The following KCNK16 variants were observed in gnomAD, a reference collection of about 807,000 sequenced individuals.
The protein encoded by KCNK16 is potassium channel subfamily K member 16.
KCNK16 carries 23 observed loss-of-function variants against 23.0 expected under a neutral mutation model. That is an observed-to-expected ratio of 1.00 (90% CI 0.72 to 1.41). KCNK16 has a LOEUF of 1.41. KCNK16 is among the 40% of genes most tolerant of loss of function. The pLI is 0.00. For missense variants in KCNK16, 327 were observed against 365.8 expected (o/e 0.89, Z 0.87); for synonymous variants, 145 against 153.5 (o/e 0.94, Z 0.41).
downstream of KCNK16, chr6:39,316,092 T>G: frequency 1.5e-6 from 2 of 1,353,344 alleles, no homozygotes; most frequent in South Asian, 1.6e-5. Context: ...TTGGGAGAGC[T>G]CCTGAGACCA....
Position 39,322,486 on chromosome 6 carries a change from GCAGCAGGGGCAGCACCCGGCCACCC to G in KCNK16, c.30_54del (p.Trp10CysfsTer18). The stretch of plus-strand genomic sequence containing the variant: ...AGCAGCAGGTAGCAGACATAGGCCA[GCAGCAGGGGCAGCACCCGGCCACCC>G]CAGCAGCTGCAGAGCCCAGCACTGG... On this transcript the variant is annotated frameshift_variant, in exon 1 of 5. Coordinates refer to ENST00000437525, the MANE Select transcript of KCNK16 (RefSeq NM_001135106.2). LOFTEE classifies it high-confidence loss of function. 6.2e-7 allele frequency: 1 copy of G among 1,612,926 alleles called. No homozygotes were observed. Among genetic ancestry groups the G allele is most frequent in the East Asian group, 2.2e-5 (1 of 44,878 alleles).
chr6:39,316,145 GGC>G, downstream of KCNK16: 1 of 1,439,402 alleles, frequency 6.9e-7, no homozygotes, highest in Non-Finnish European at 9.1e-7. Context: ...GAGAAAGCAG[GGC>G]TGGAAATCCA....
rs770464810 is a variant in KCNK16 at position 39,316,795 on chromosome 6, C to T, written c.648G>A (p.Gly216=). The T allele has an allele frequency of 4.3e-6, 7 of 1,613,820 alleles. No homozygotes were observed. In the East Asian group the frequency reaches 6.7e-5, roughly 15 times the overall value. The stretch of plus-strand genomic sequence containing the variant: ...TTTTGTTCTCACCAACAACATAGTC[C>T]CCAAAGCCAATGGTGCTGAGAGTGA... ...AFITLSTIGF[G]DYVVGTDPSK... The change falls in exon 4 of 5, where the codon GGG becomes GGA. Residue 216 remains glycine (G), a synonymous_variant. Transcript: ENST00000437525.
chr6:39,316,229 A>T lies in KCNK16; in HGVS notation c.875T>A (p.Ile292Asn). ...SGLPRPQKIP[I>N]SA ...CCCCCCCCGGGGGCCTCATGCAGAGATGGGGATCTTCTGAGGCCTGGGGAG... is the reference window on the plus strand; with the variant it reads ...CCCCCCCCGGGGGCCTCATGCAGAGTTGGGGATCTTCTGAGGCCTGGGGAG... The change falls in exon 5 of 5, where the codon ATC becomes AAC. Residue 292 changes from isoleucine to asparagine, a missense_variant. Ile to Asn is a moderately radical substitution (Grantham distance 149). Transcript: ENST00000437525. The T allele has an allele frequency of 1.3e-6, 2 of 1,545,916 alleles. No individual in the cohort carries two copies. The highest frequency in any genetic ancestry group is 1.4e-5 in the African/African-American group (1 of 72,820).
downstream of KCNK16, chr6:39,316,112 G>T: frequency 7.1e-7 from 1 of 1,409,766 alleles, no homozygotes; most frequent in Middle Eastern, 2.6e-4. Context: ...AGCCCTGGCT[G>T]AGAAGTGAGG....
At chr6:39,320,234 G>A (rs76991883) in intron 1 of KCNK16, among the ~76,000 whole-genome samples, 3,134 of 152,310 alleles carry the variant, frequency 0.021, 114 homozygotes, top group African/African-American at 0.071. Flanking sequence ...TCACTTTGAC[G>A]GGAACTGGCC....
In KCNK16 at chr6:39,316,318, G is replaced by T. The variant is rs1408504953; in HGVS notation, c.786C>A (p.Cys262Ter). 1 of 1,609,622 alleles carries T rather than the reference G, an allele frequency of 6.2e-7. No individual in the cohort carries two copies. Among genetic ancestry groups the T allele is most frequent in the Admixed American group, 1.7e-5 (1 of 59,438 alleles). ...PLGPLLLHRC[C>*]QLWLLSRGLG... ...GGCCCCTACTGAGCAGCCAGAGCTGGCAGCATCTGTGCAGAAGCAGGGGGC... is the reference window on the plus strand; with the variant it reads ...GGCCCCTACTGAGCAGCCAGAGCTGTCAGCATCTGTGCAGAAGCAGGGGGC... Residue 262 changes from cysteine to a stop codon, truncating the protein, a stop_gained, in exon 5 of 5, where the codon TGC (cysteine) becomes TGA (stop). Transcript: ENST00000437525. LOFTEE classifies it low-confidence loss of function (END_TRUNC).
At chr6:39,322,221 A>T (rs1762538106) in intron 1 of KCNK16, 107 bp downstream of exon 1, 2 of 1,483,774 alleles carry the variant, frequency 1.3e-6, no homozygotes, top group Admixed American at 4.4e-5. Flanking sequence ...CTCTTCTTCC[A>T]AATGGGGCAT....
Position 39,316,190 on chromosome 6 carries a change from A to G in KCNK16, c.*29T>C. On this transcript the variant is annotated 3_prime_UTR_variant, in exon 5 of 5. Coordinates refer to ENST00000437525, the MANE Select transcript of KCNK16 (RefSeq NM_001135106.2). ...GATAGGGTGGGACTGGGGAGGATGA[A>G]AGGGGTTTCTGGGCCCCCCCCGGGG... 6.7e-7 allele frequency: 1 copy of G among 1,495,168 alleles called. No individual in the cohort carries two copies. The highest frequency in any genetic ancestry group is 2.5e-5 in the East Asian group (1 of 40,404). The allele number at this position is 1,495,168 out of a possible 1,614,324, so 92.6% of individuals were successfully genotyped here.
At chr6:39,315,743 T>C (rs1762285553), downstream of KCNK16, among the ~76,000 whole-genome samples, 1 of 152,176 alleles carries the variant, frequency 6.6e-6, no homozygotes, top group South Asian at 2.1e-4. Flanking sequence ...GCCTCTTTGC[T>C]TGCCTAGCAA....
At chr6:39,315,323 T>A (rs761381308), downstream of KCNK16, 31 of 1,553,136 alleles carry the variant, frequency 2.0e-5, no homozygotes, top group Non-Finnish European at 2.0e-5. Flanking sequence ...GGAGCTCACT[T>A]TCTGGAAGGA....
chr6:39,317,479 C>A (rs1453706861), intron 3 of KCNK16, among the ~76,000 whole-genome samples: 2 of 152,188 alleles, frequency 1.3e-5, no homozygotes, highest in Non-Finnish European at 2.9e-5. Flanking sequence ...TAGGGGCATA[C>A]CCTTCCTGGG....
chr6:39,317,137 G>A (rs940324477), intron 3 of KCNK16, among the ~76,000 whole-genome samples, 190 bp from the exon 4 acceptor site: 2 of 152,190 alleles, frequency 1.3e-5, no homozygotes, highest in African/African-American at 4.8e-5. Flanking sequence ...GAAAGATTTC[G>A]GCAGAGGGAT....
chr6:39,314,788 A>T, downstream of KCNK16: 1 of 545,842 alleles, frequency 1.8e-6, no homozygotes, highest in East Asian at 3.0e-5. Context: ...GCTGTCTGTC[A>T]ATCTCAAGAC....
chr6:39,318,516 C>T (rs1762405929), intron 2 of KCNK16, among the ~76,000 whole-genome samples: 1 of 152,162 alleles, frequency 6.6e-6, no homozygotes, highest in Non-Finnish European at 1.5e-5. Context: ...TGTCAGTGCC[C>T]TGTTCCCTCA....
intron 1 of KCNK16, among the ~76,000 whole-genome samples, 177 bp downstream of exon 1, chr6:39,322,151 T>G (rs538061091): frequency 6.6e-6 from 1 of 152,296 alleles, no homozygotes; most frequent in East Asian, 1.9e-4. Flanking sequence ...ATCAATCCAG[T>G]TGTAGACCTG....
In KCNK16 at chr6:39,317,009, G is replaced by T. The variant is rs1482616896; in HGVS notation, c.496-62C>A. 3 of 1,508,124 alleles carry T rather than the reference G, an allele frequency of 2.0e-6. No individual in the cohort carries two copies. The South Asian group carries it at 3.7e-5, about 19-fold the overall frequency. The allele number at this position is 1,508,124 out of a possible 1,614,324, so 93.4% of individuals were successfully genotyped here. On this transcript the variant is annotated intron_variant, in intron 3 of 4. Coordinates refer to ENST00000437525, the MANE Select transcript of KCNK16 (RefSeq NM_001135106.2). ...AAGTCTCCAGGATTGTATGAGGTTG[G>T]GGGGAGTCTGGGGTAAACATGGGAA... is the stretch of plus-strand genomic sequence containing the variant.
In KCNK16 at chr6:39,320,490, C is replaced by A. The variant is rs185840930; in HGVS notation, c.214-1357G>T. On this transcript the variant is annotated intron_variant, in intron 1 of 4. Transcript: ENST00000437525. ...TTGTGAACCTGGGCAAGCAGTGTTTCGTCACAGAGGCAATGTTTAATACTG... is the reference window on the plus strand; with the variant it reads ...TTGTGAACCTGGGCAAGCAGTGTTTAGTCACAGAGGCAATGTTTAATACTG... Among the ~76,000 whole-genome samples the A allele has an allele frequency of 3.6e-3, 541 of 152,282 alleles. 1 individual carries two copies. The highest frequency in any genetic ancestry group is 0.012 in the African/African-American group (496 of 41,556).
chr6:39,317,777 G>A lies in KCNK16; in HGVS notation c.495+9C>T, dbSNP rs1245935981. ...CACAGCAGGCCTGTAAGGGAGTTAG[G>A]GGGCATACCTGGGAGCGCCTGGGAC... On this transcript the variant is annotated intron_variant, in intron 3 of 4. Coordinates refer to ENST00000437525, the MANE Select transcript of KCNK16 (RefSeq NM_001135106.2). The A allele has an allele frequency of 2.5e-6, 4 of 1,575,858 alleles. 1 individual carries two copies. The highest frequency in any genetic ancestry group is 1.7e-6 in the Non-Finnish European group (2 of 1,160,938).
Sources: gnomAD v4.1 joint callset for allele counts (sites outside exome capture counted in the v4.1 genomes callset) on GRCh38, gnomAD v4.1.1 for gene constraint, MANE v1.5 for transcripts, NCBI Gene and HGNC (gene_info 2026-07-23, HGNC 2026-07-21) for gene names.